The following WDR41 variants were observed in gnomAD, a reference collection of about 807,000 sequenced individuals.
The protein encoded by WDR41 is WD repeat domain 41.
A neutral mutation model predicts 69.3 loss-of-function variants in WDR41; 63 were observed. That is an observed-to-expected ratio of 0.91 (90% CI 0.74 to 1.12). The LOEUF (loss-of-function observed/expected upper bound fraction) is 1.12, where lower values mean the gene tolerates loss of function less well. Among genes scored for constraint, WDR41 ranks in the 50% most tolerant of loss-of-function variants. WDR41 has a pLI of 0.00. For synonymous variants in WDR41, 185 were observed against 192.1 expected, an observed-to-expected ratio of 0.96 and a Z score of 0.31; for missense variants, 543 against 534.5, an observed-to-expected ratio of 1.02 and a Z score of -0.16.
At chr5:77,483,376 G>GT (rs1033277689) in intron 2 of WDR41, among the ~76,000 whole-genome samples, 3 of 151,682 alleles carry the variant, frequency 2.0e-5, no homozygotes, top group Non-Finnish European at 4.4e-5. Flanking sequence ...TGAGCTCAAG[G>GT]AATCCTCCCA....
Position 77,463,121 on chromosome 5 carries a change from T to C in WDR41, c.322A>G (p.Thr108Ala). 1 of 1,612,338 alleles carries C rather than the reference T, an allele frequency of 6.2e-7. No individual in the cohort carries two copies. Among genetic ancestry groups the C allele is most frequent in the Non-Finnish European group, 8.5e-7 (1 of 1,179,254 alleles). The change falls in exon 4 of 13, where the codon ACA (threonine) becomes GCA (alanine). Residue 108 changes from threonine (T) to alanine (A), a missense_variant. By Grantham distance (58) the Thr-to-Ala change is moderately conservative. Coordinates refer to ENST00000296679, the MANE Select transcript of WDR41 (RefSeq NM_018268.4). ...ATAACTGTTCTATCAGCAGAGGCTG[T>C]CAAGATGAGTTGATTTTTCTCTTCA... is the stretch of plus-strand genomic sequence containing the variant. Reference protein sequence around the residue: ...SCEEKNQLILTASADRTVIVW... With the variant: ...SCEEKNQLILAASADRTVIVW...
At chr5:77,437,850 A>T (rs1581690579) in intron 10 of WDR41, among the ~76,000 whole-genome samples, 1 of 152,064 alleles carries the variant, frequency 6.6e-6, no homozygotes, top group Non-Finnish European at 1.5e-5. Flanking sequence ...ACAGGAAACC[A>T]CTCACTTAGT....
Position 77,432,980 on chromosome 5 carries a change from TG to T in WDR41, c.*154del. On this transcript the variant is annotated 3_prime_UTR_variant, in exon 13 of 13. Coordinates refer to ENST00000296679, the MANE Select transcript of WDR41 (RefSeq NM_018268.4). Reference sequence around the variant, plus strand: ...TAGGACCTGAGAAGCAACATGTTCCTGGTTGGTAGGTCCACAAAAAATTTAA... The same window carrying T: ...TAGGACCTGAGAAGCAACATGTTCCTGTTGGTAGGTCCACAAAAAATTTAA... 2 of 726,604 alleles carry T rather than the reference TG, an allele frequency of 2.8e-6. No individual in the cohort carries two copies. The highest frequency in any genetic ancestry group is 2.8e-5 in the East Asian group (1 of 35,476). The allele number at this position is 726,604 out of a possible 1,614,324, so 45.0% of individuals were successfully genotyped here.
rs1202683547 is a variant in WDR41 at position 77,431,605 on chromosome 5, A to G, written c.*1530T>C. 1 of 152,208 alleles carries G rather than the reference A, an allele frequency of 6.6e-6. No homozygotes were observed. Among genetic ancestry groups the G allele is most frequent in the African/African-American group, 2.4e-5 (1 of 41,470 alleles). The allele number at this position is 152,208 out of a possible 1,614,324, so 9.4% of individuals were successfully genotyped here. ...ACGGTACCATTTGCTTCCAAAATTC[A>G]TGTGATTTCTACCACTCCATTTGAA... On this transcript the variant is annotated 3_prime_UTR_variant, in exon 13 of 13. Transcript: ENST00000296679.
intron 1 of WDR41, among the ~76,000 whole-genome samples, chr5:77,505,094 T>A (rs1581777375): frequency 6.6e-6 from 1 of 152,192 alleles, no homozygotes; most frequent in East Asian, 1.9e-4. Context: ...TGTCCCTGTT[T>A]GCAGATGACA....
At chr5:77,549,591 A>G (rs920626202) in intron 1 of WDR41, among the ~76,000 whole-genome samples, 4 of 152,188 alleles carry the variant, frequency 2.6e-5, no homozygotes, top group African/African-American at 9.7e-5. Context: ...TATGAGGAGA[A>G]CTACAAAATG....
Position 77,598,644 on chromosome 5 carries a change from C to CCT in WDR41, c.42+21834_42+21835insAG, listed in dbSNP as rs1433590220. ...GAAGTTATGTGAATCAGTAAGTTTC[C>CCT]TTTTTTTTTTTGTTTTTTTTGTAGC... On this transcript the variant is annotated intron_variant, in intron 1 of 5. Transcript: ENST00000509971. Among the ~76,000 whole-genome samples, 997 of 121,330 alleles carry CCT rather than the reference C, an allele frequency of 8.2e-3. 11 individuals are homozygous for CCT. The highest frequency in any genetic ancestry group is 0.027 in the African/African-American group (943 of 34,442). The allele number at this position is 121,330 out of a possible 152,430, so 79.6% of individuals were successfully genotyped here.
intron 1 of WDR41, among the ~76,000 whole-genome samples, chr5:77,554,166 T>G (rs1012673689): frequency 4.6e-5 from 7 of 152,298 alleles, no homozygotes; most frequent in African/African-American, 1.7e-4. Context: ...ATATAGTGTT[T>G]TATAATCCCC....
intron 1 of WDR41, among the ~76,000 whole-genome samples, chr5:77,567,572 A>G (rs558989070): frequency 6.6e-5 from 10 of 152,082 alleles, no homozygotes; most frequent in South Asian, 4.2e-4. Flanking sequence ...CAAACACTGC[A>G]TCAACAGAAC....
At chr5:77,576,977 G>T (rs1249438284) in intron 1 of WDR41, among the ~76,000 whole-genome samples, 1 of 152,066 alleles carries the variant, frequency 6.6e-6, no homozygotes, top group African/African-American at 2.4e-5. Flanking sequence ...AAGGATACTG[G>T]CATATTTCAC....
intron 1 of WDR41, among the ~76,000 whole-genome samples, chr5:77,570,969 A>C (rs753557395): frequency 9.9e-5 from 15 of 151,454 alleles, no homozygotes; most frequent in Admixed American, 6.6e-4. Flanking sequence ...CTCAGTTCAC[A>C]GTGTTTTATG....
chr5:77,563,443 T>C (rs569949518), intron 1 of WDR41, among the ~76,000 whole-genome samples: 1 of 152,330 alleles, frequency 6.6e-6, no homozygotes, highest in East Asian at 1.9e-4. Flanking sequence ...ACAACCTTAG[T>C]GTGCCTCATC....
chr5:77,514,393 G>T (rs1230379304), intron 1 of WDR41, among the ~76,000 whole-genome samples: 1 of 152,160 alleles, frequency 6.6e-6, no homozygotes, highest in Non-Finnish European at 1.5e-5. Flanking sequence ...AGCAATGCCT[G>T]TCTTAACATT....
chr5:77,434,447 A>G (rs1016185159), intron 12 of WDR41, among the ~76,000 whole-genome samples: 2 of 152,096 alleles, frequency 1.3e-5, no homozygotes, highest in Non-Finnish European at 2.9e-5. Flanking sequence ...AAAACACAAA[A>G]TTCAGTACAC....
At chr5:77,505,310 C>T (rs2112161947) in intron 1 of WDR41, among the ~76,000 whole-genome samples, 1 of 152,202 alleles carries the variant, frequency 6.6e-6, no homozygotes, top group Middle Eastern at 3.4e-3. Flanking sequence ...CATAGGAATC[C>T]AACTTACAAG....
intron 1 of WDR41, among the ~76,000 whole-genome samples, chr5:77,560,832 A>T (rs1330806905): frequency 6.6e-6 from 1 of 152,110 alleles, no homozygotes; most frequent in African/African-American, 2.4e-5. Flanking sequence ...GGTTTTCCTA[A>T]TTATGGATTT....
chr5:77,449,717 C>A (rs1363709331), intron 8 of WDR41, 43 bp downstream of exon 8: 1 of 1,395,842 alleles, frequency 7.2e-7, no homozygotes, highest in Non-Finnish European at 1.0e-6. Flanking sequence ...GTTGTGTTAA[C>A]AAGCACAAAA....
chr5:77,604,544 C>T (rs188185091), intron 1 of WDR41, among the ~76,000 whole-genome samples: 99 of 152,248 alleles, frequency 6.5e-4, no homozygotes, highest in Non-Finnish European at 9.7e-4. Flanking sequence ...TTGTGGAGGA[C>T]GTTTTGTCCT....
At chr5:77,554,199 C>T (rs369008865) in intron 1 of WDR41, among the ~76,000 whole-genome samples, 3 of 152,182 alleles carry the variant, frequency 2.0e-5, no homozygotes, top group East Asian at 3.9e-4. Flanking sequence ...CTACATTATT[C>T]CATGCATATA....
Sources: allele counts gnomAD v4.1 joint callset (sites outside exome capture counted in the v4.1 genomes callset), GRCh38; gene constraint gnomAD v4.1.1; transcripts MANE v1.5; gene names NCBI Gene and HGNC (gene_info 2026-07-23, HGNC 2026-07-21).